Variants in DOK5 observed in about 807,000 individuals in gnomAD.
DOK5 encodes the protein docking protein 5.
In DOK5, 27 loss-of-function variants were observed where a neutral mutation model predicts 43.3. That is an observed-to-expected ratio of 0.62 (90% confidence interval 0.46 to 0.86). DOK5 has a LOEUF of 0.86. DOK5 is among the 40% of genes least tolerant of loss of function. The pLI is 0.00. For missense variants in DOK5, 373 were observed against 392.9 expected (o/e 0.95, Z 0.43); for synonymous variants, 146 against 140.1 (o/e 1.04, Z -0.30).
intron 2 of DOK5, among the ~76,000 whole-genome samples, chr20:54,584,006 C>G (rs891824528): frequency 6.6e-6 from 1 of 151,218 alleles, no homozygotes; most frequent in Non-Finnish European, 1.5e-5. Context: ...AAAAATTAGT[C>G]GAGCACGGTG....
chr20:54,476,261 C>G, intron 1 of DOK5: 1 of 916,950 alleles, frequency 1.1e-6, no homozygotes, highest in Non-Finnish European at 1.3e-6. Context: ...CTTCAGTAGC[C>G]CCTGGAGCCC....
At chr20:54,622,534 G>A (rs1987015186) in intron 6 of DOK5, among the ~76,000 whole-genome samples, 1 of 152,230 alleles carries the variant, frequency 6.6e-6, no homozygotes, top group Non-Finnish European at 1.5e-5. Context: ...CGGTGCCAGG[G>A]ATGTTGGTTG....
intron 1 of DOK5, among the ~76,000 whole-genome samples, chr20:54,476,869 G>T (rs1175794913): frequency 6.6e-6 from 1 of 152,032 alleles, no homozygotes; most frequent in Non-Finnish European, 1.5e-5. Context: ...TCCTCTCCTT[G>T]GGACTGAATG....
intron 6 of DOK5, among the ~76,000 whole-genome samples, chr20:54,627,368 T>A (rs73913640): frequency 6.6e-6 from 1 of 152,236 alleles, no homozygotes; most frequent in Non-Finnish European, 1.5e-5. Flanking sequence ...TTTAAATCAG[T>A]GTTGCTGCCT....
intron 5 of DOK5, among the ~76,000 whole-genome samples, chr20:54,606,836 A>G (rs1191949805): frequency 6.6e-6 from 1 of 152,194 alleles, no homozygotes; most frequent in Admixed American, 6.5e-5. Flanking sequence ...TGAAGGACAC[A>G]TGGCTTTGAG....
intron 2 of DOK5, among the ~76,000 whole-genome samples, chr20:54,583,689 AG>A (rs1422614930): frequency 2.0e-5 from 3 of 152,040 alleles, no homozygotes; most frequent in African/African-American, 7.2e-5. Flanking sequence ...ATCTGATATA[AG>A]TATTGCCACC....
At chr20:54,642,708 G>A (rs966297756) in intron 6 of DOK5, among the ~76,000 whole-genome samples, 4 of 152,038 alleles carry the variant, frequency 2.6e-5, no homozygotes, top group African/African-American at 9.7e-5. Context: ...TGCTGACAGA[G>A]CAAGACTCCA....
Position 54,547,595 on chromosome 20 carries a change from G to A in DOK5, c.67-7338G>A, listed in dbSNP as rs117833883. The stretch of plus-strand genomic sequence containing the variant: ...AAAAAATGTTAGAGATTTTAAACCA[G>A]GGCTAAGCAATTATTAAGGGTATCA... On this transcript the variant is annotated intron_variant, in intron 1 of 7. Coordinates refer to ENST00000262593, the MANE Select transcript of DOK5 (RefSeq NM_018431.5). Among the ~76,000 whole-genome samples, 395 of 152,150 alleles carry A rather than the reference G, an allele frequency of 2.6e-3. 1 individual carries two copies. The highest frequency in any genetic ancestry group is 0.017 in the Middle Eastern group (5 of 294).
intron 1 of DOK5, among the ~76,000 whole-genome samples, chr20:54,552,686 C>T (rs565797570): frequency 2.6e-5 from 4 of 152,044 alleles, no homozygotes; most frequent in Non-Finnish European, 5.9e-5. Context: ...TGAGTAATCC[C>T]TGACTTTTTT....
intron 1 of DOK5, among the ~76,000 whole-genome samples, chr20:54,504,917 G>A (rs1982750667): frequency 6.6e-6 from 1 of 152,120 alleles, no homozygotes; most frequent in Non-Finnish European, 1.5e-5. Context: ...TAGCTAAAGA[G>A]ACCTCATGAC....
chr20:54,557,462 C>T (rs1054386766), intron 2 of DOK5, among the ~76,000 whole-genome samples: 6 of 152,240 alleles, frequency 3.9e-5, no homozygotes, highest in Middle Eastern at 3.4e-3. Context: ...GCGGTGTAGC[C>T]GGGTTCCTAA....
chr20:54,534,690 T>G (rs1434590514), intron 1 of DOK5, among the ~76,000 whole-genome samples: 3 of 152,102 alleles, frequency 2.0e-5, no homozygotes, highest in Non-Finnish European at 4.4e-5. Context: ...AGGAGGAGGA[T>G]GATGATATAT....
chr20:54,626,618 C>A (rs1350994226), intron 6 of DOK5, among the ~76,000 whole-genome samples: 1 of 152,034 alleles, frequency 6.6e-6, no homozygotes, highest in Non-Finnish European at 1.5e-5. Context: ...TCACATGTAC[C>A]TTTCCATGTT....
intron 2 of DOK5, among the ~76,000 whole-genome samples, chr20:54,583,652 G>C (rs1239568352): frequency 6.6e-6 from 1 of 151,876 alleles, no homozygotes; most frequent in African/African-American, 2.4e-5. Context: ...TGTCTCTCAT[G>C]ATAGTTTTTG....
chr20:54,615,126 G>C (rs776146359), intron 6 of DOK5, among the ~76,000 whole-genome samples: 10 of 152,186 alleles, frequency 6.6e-5, no homozygotes, highest in Non-Finnish European at 1.5e-4. Context: ...TCCCAAGAGT[G>C]TGTCTACAGA....
intron 1 of DOK5, among the ~76,000 whole-genome samples, chr20:54,499,686 A>G (rs1327887611): frequency 1.3e-5 from 2 of 152,224 alleles, no homozygotes; most frequent in African/African-American, 2.4e-5. Context: ...TTAATCAATC[A>G]CATTTACACA....
chr20:54,597,739 C>T (rs1008197835), intron 5 of DOK5, among the ~76,000 whole-genome samples: 5 of 152,036 alleles, frequency 3.3e-5, no homozygotes, highest in Admixed American at 2.6e-4. Context: ...GGAGAGAAAG[C>T]ATCTTTTACT....
chr20:54,489,440 G>A (rs184765459), intron 1 of DOK5, among the ~76,000 whole-genome samples: 203 of 152,032 alleles, frequency 1.3e-3, no homozygotes, highest in African/African-American at 4.6e-3. Context: ...CTGTATGTGC[G>A]TTTGCATGCA....
rs934991518 is a variant in DOK5, at chr20:54,588,593, A to T, written c.285A>T (p.Glu95Asp). The T allele has an allele frequency of 2.1e-5, 34 of 1,614,166 alleles. No homozygotes were observed. The highest frequency in any genetic ancestry group is 2.9e-5 in the Non-Finnish European group (34 of 1,179,994). ...ATACCTCCAAGACTTTTGCTTGCGA[A>T]TCAGGTTTGTCTCAGGCAGGGCTGG... The part of the protein sequence containing the change: ...NDDTSKTFAC[E>D]SDLEADEWCK... The change falls in exon 3 of 8, where the codon GAA becomes GAT. Residue 95 changes from glutamate (E) to aspartate (D), a missense_variant. Physicochemically the swap from Glu to Asp is conservative, Grantham distance 45. Coordinates refer to ENST00000262593, the MANE Select transcript of DOK5 (RefSeq NM_018431.5).
Sources: allele counts gnomAD v4.1 joint callset (sites outside exome capture counted in the v4.1 genomes callset), GRCh38; gene constraint gnomAD v4.1.1; transcripts MANE v1.5; gene names NCBI Gene and HGNC (gene_info 2026-07-23, HGNC 2026-07-21).